SRRM4: variants seen among roughly 807,000 people sequenced by gnomAD.
The protein encoded by SRRM4 is serine/arginine repetitive matrix protein 4.
In SRRM4, 33 loss-of-function variants were observed where a neutral mutation model predicts 68.9. That is an observed-to-expected ratio of 0.48 (90% CI 0.36 to 0.64). The LOEUF is 0.64. SRRM4 is among the 30% of genes least tolerant of loss of function. The probability of loss-of-function intolerance (pLI) is 0.00; values close to 1 mark genes in which losing one functional copy is unlikely to be tolerated. For missense variants in SRRM4, 817 were observed against 827.1 expected (o/e 0.99, Z 0.15); for synonymous variants, 318 against 318.8 (o/e 1.00, Z 0.03).
chr12:119,092,165 A>T (rs1954017832), intron 1 of SRRM4, among the ~76,000 whole-genome samples: 1 of 152,050 alleles, frequency 6.6e-6, no homozygotes. Flanking sequence ...CCACTGGTAG[A>T]ATGCCACTGG....
chr12:119,037,846 G>A (rs969890011), intron 1 of SRRM4, among the ~76,000 whole-genome samples: 1 of 152,176 alleles, frequency 6.6e-6, no homozygotes, highest in Non-Finnish European at 1.5e-5. Context: ...TGCTGGATAC[G>A]TAAATTTGAA....
chr12:119,101,976 C>T (rs1168128719), intron 1 of SRRM4, among the ~76,000 whole-genome samples: 1 of 152,178 alleles, frequency 6.6e-6, no homozygotes, highest in Non-Finnish European at 1.5e-5. Context: ...CAAATAGTTT[C>T]ACCTTTCAGA....
At chr12:119,130,189 T>C (rs1372925379) in intron 7 of SRRM4, among the ~76,000 whole-genome samples, 1 of 149,472 alleles carries the variant, frequency 6.7e-6, no homozygotes, top group Non-Finnish European at 1.5e-5. Context: ...GGGTGGATGA[T>C]GGATAGATGG....
At position 119,154,525 on chromosome 12, in the gene SRRM4, A is replaced by C; in HGVS notation, c.1532+142A>C. The stretch of plus-strand genomic sequence containing the variant: ...AGCTTATGGTCCCCCCAACCCCAAC[A>C]TCATTGAAATTACGTGTCTGTTCAA... On this transcript the variant is annotated intron_variant, in intron 12 of 12. Coordinates refer to ENST00000267260, the MANE Select transcript of SRRM4 (RefSeq NM_194286.4). The surrounding 1 kb of genome is among the most constrained non-coding windows in gnomAD (Gnocchi z 4.7). 1.1e-6 allele frequency: 1 copy of C among 900,970 alleles called. No homozygotes were observed. The highest frequency in any genetic ancestry group is 1.7e-6 in the Non-Finnish European group (1 of 599,264). The allele number at this position is 900,970 out of a possible 1,614,324, so 55.8% of individuals were successfully genotyped here. A position where few individuals can be genotyped will look rare whatever the true frequency, so the allele number is the denominator to read the frequency against.
chr12:119,118,278 T>A (rs1485609109), intron 4 of SRRM4, among the ~76,000 whole-genome samples: 1 of 152,252 alleles, frequency 6.6e-6, no homozygotes, highest in African/African-American at 2.4e-5. Flanking sequence ...ATTTATATAT[T>A]ACTTTTGCTT....
intron 3 of SRRM4, among the ~76,000 whole-genome samples, chr12:119,116,480 A>G (rs922131894): frequency 3.3e-5 from 5 of 152,200 alleles, no homozygotes; most frequent in African/African-American, 1.2e-4. Context: ...AGACAGAAGG[A>G]AGCCTTTCCA....
At chr12:119,047,030 T>TA (rs11415940) in intron 1 of SRRM4, among the ~76,000 whole-genome samples, 103,909 of 122,070 alleles carry the variant, frequency 0.85, 44,319 homozygotes, top group Middle Eastern at 0.9. Flanking sequence ...AGATCCCGTC[T>TA]AAAAAAAAAA....
chr12:119,034,414 T>C (rs1236776007), intron 1 of SRRM4, among the ~76,000 whole-genome samples: 1 of 152,204 alleles, frequency 6.6e-6, no homozygotes, highest in Non-Finnish European at 1.5e-5. Context: ...GGGTGGGGCA[T>C]CCCGGTCTCC....
chr12:119,137,092 G>A (rs943341314), intron 8 of SRRM4, among the ~76,000 whole-genome samples: 1 of 150,610 alleles, frequency 6.6e-6, no homozygotes, highest in Non-Finnish European at 1.5e-5. Context: ...ATGTCTTTGT[G>A]AAACAAAAGC....
chr12:119,156,576 C>G lies in SRRM4; in HGVS notation c.1614C>G (p.Ser538Arg), dbSNP rs753883092. 2 of 1,611,224 alleles carry G rather than the reference C, an allele frequency of 1.2e-6. No homozygotes were observed. The highest frequency in any genetic ancestry group is 2.2e-4 in the Middle Eastern group (1 of 4,446). The change falls in exon 13 of 13, where the codon AGC (serine) becomes AGG (arginine). Residue 538 changes from serine to arginine, a missense_variant. Ser to Arg is a moderately radical substitution (Grantham distance 110, BLOSUM62 -1). Coordinates refer to ENST00000267260, the MANE Select transcript of SRRM4 (RefSeq NM_194286.4). ...GSLSSTSSWYSSSSSRSASRS... is the reference protein window; with the variant it reads ...GSLSSTSSWYRSSSSRSASRS... ...TCAGCAGCACCTCCTCCTGGTACAG[C>G]AGCAGCAGTAGCCGCTCGGCCAGCC...
At chr12:119,153,708 C>T in intron 11 of SRRM4, 59 bp downstream of exon 11, 1 of 1,289,764 alleles carries the variant, frequency 7.8e-7, no homozygotes, top group South Asian at 1.3e-5. Flanking sequence ...TGCTCTGATC[C>T]TCCTCTCTGG....
At position 119,160,536 on chromosome 12, in the gene SRRM4, T is replaced by C. The variant is rs747620016; in HGVS notation, c.*3738T>C. 6.6e-6 allele frequency: 1 copy of C among 152,054 alleles called. No individual in the cohort carries two copies. Among genetic ancestry groups the C allele is most frequent in the Non-Finnish European group, 1.5e-5 (1 of 68,014 alleles). The allele number at this position is 152,054 out of a possible 1,614,324, so 9.4% of individuals were successfully genotyped here. A position where few individuals can be genotyped will look rare whatever the true frequency, so the allele number is the denominator to read the frequency against. Reference sequence around the variant, plus strand: ...TGAGGATTTATCTCAAAAACCAACATCCAAAATGGGAGGGAGATGTGGCTT... The same window carrying C: ...TGAGGATTTATCTCAAAAACCAACACCCAAAATGGGAGGGAGATGTGGCTT... On this transcript the variant is annotated 3_prime_UTR_variant, in exon 13 of 13. Coordinates refer to ENST00000267260, the MANE Select transcript of SRRM4 (RefSeq NM_194286.4).
At chr12:119,155,327 C>T (rs1187932240) in intron 12 of SRRM4, among the ~76,000 whole-genome samples, 1 of 152,212 alleles carries the variant, frequency 6.6e-6, no homozygotes, top group African/African-American at 2.4e-5. Flanking sequence ...GCATCTGCCA[C>T]TCAGTCCAGA....
chr12:119,075,247 A>G (rs1245061549), intron 1 of SRRM4, among the ~76,000 whole-genome samples: 2 of 152,252 alleles, frequency 1.3e-5, no homozygotes, highest in African/African-American at 4.8e-5. Flanking sequence ...ACAATGTGCC[A>G]GATATTGTTT....
At chr12:119,122,268 C>CAGGA in intron 6 of SRRM4, 148 bp downstream of exon 6, 1 of 239,812 alleles carries the variant, frequency 4.2e-6, no homozygotes, top group Non-Finnish European at 7.2e-6. Flanking sequence ...GGCAGGAAGG[C>CAGGA]AGGAAGGCAG....
At chr12:119,130,928 A>T in intron 8 of SRRM4, 94 bp downstream of exon 8, 3 of 1,258,138 alleles carry the variant, frequency 2.4e-6, no homozygotes, top group South Asian at 1.7e-5. Flanking sequence ...GTACACTTTA[A>T]TTCAATTTCT....
chr12:119,033,206 T>A (rs554652746), intron 1 of SRRM4, among the ~76,000 whole-genome samples: 2 of 152,336 alleles, frequency 1.3e-5, no homozygotes, highest in Non-Finnish European at 2.9e-5. Flanking sequence ...TAATATAATG[T>A]ATGCTTCCTT....
chr12:119,051,791 C>T (rs138582061), intron 1 of SRRM4, among the ~76,000 whole-genome samples: 1,560 of 152,302 alleles, frequency 0.01, 10 homozygotes, highest in Non-Finnish European at 0.015. Context: ...GAGCAAGCAA[C>T]GATTAACGTA....
intron 8 of SRRM4, among the ~76,000 whole-genome samples, chr12:119,137,587 GGAGAGAGAGA>G (rs55883419): frequency 0.14 from 16,143 of 119,048 alleles, 1,428 homozygotes; most frequent in African/African-American, 0.2. Flanking sequence ...GGTTTGGAGT[GGAGAGAGAGA>G]GAGAGAGAGA....
Sources: gnomAD v4.1 joint callset for allele counts (sites outside exome capture counted in the v4.1 genomes callset) on GRCh38, gnomAD v4.1.1 for gene constraint, Gnocchi (gnomAD v3.1) non-coding constraint, MANE v1.5 for transcripts, NCBI Gene and HGNC (gene_info 2026-07-23, HGNC 2026-07-21) for gene names.